The following LMTK3 variants were observed in gnomAD, a reference collection of about 807,000 sequenced individuals.
The protein encoded by LMTK3 is serine/threonine-protein kinase LMTK3.
Under a neutral mutation model 116.7 loss-of-function variants are expected in LMTK3, and 27 were observed. The ratio of observed to expected loss-of-function variants is 0.23; its 90% CI spans 0.17 to 0.32. The LOEUF is 0.32. Ranked by LOEUF, LMTK3 falls within the 10% of genes least tolerant of loss-of-function variation. LMTK3 has a pLI of 1.00. For synonymous variants in LMTK3, 965 were observed against 971.0 expected (o/e 0.99, Z 0.11); for missense variants, 1,764 against 2,068.5 (o/e 0.85, Z 2.86).
At chr19:48,513,104 GAC>G (rs757140507), upstream of LMTK3, 21 of 1,565,454 alleles carry the variant, frequency 1.3e-5, no homozygotes, top group Admixed American at 1.8e-5. This position sits in a 1 kb window ranked among gnomAD's most constrained non-coding sequence, Gnocchi z 5.6. Flanking sequence ...CACAGACACA[GAC>G]ACGCGCACAG....
intron 1 of LMTK3, 117 bp from the exon 2 acceptor site, chr19:48,510,709 G>T (rs1408689791): frequency 9.6e-6 from 12 of 1,243,802 alleles, no homozygotes; most frequent in Non-Finnish European, 1.2e-5. Context: ...TGCGACCAGG[G>T]TCCCTTGGCA....
At chr19:48,502,266 G>A (rs1972484336) in intron 7 of LMTK3, among the ~76,000 whole-genome samples, 167 bp downstream of exon 7, 1 of 139,934 alleles carries the variant, frequency 7.1e-6, no homozygotes, top group Non-Finnish European at 1.5e-5. Context: ...TTCCCCTCCT[G>A]GTCCCGCCTC....
Position 48,498,635 on chromosome 19 carries a change from C to G in LMTK3, c.2434G>C (p.Ala812Pro). ...SPEGAFPGGG[A>P]AEEEGVPRPR... ...CGAGGGACCCCTTCCTCCTCGGCCG[C>G]CCCCCCACCTGGGAAGGCTCCCTCT... The change falls in exon 11 of 15, where the codon GCG (alanine) becomes CCG (proline). Residue 812 changes from alanine to proline, a missense_variant. Ala to Pro is a conservative substitution (Grantham distance 27, BLOSUM62 -1). Transcript: ENST00000600059. 1 of 1,540,204 alleles carries G rather than the reference C, an allele frequency of 6.5e-7. No individual in the cohort carries two copies. Among genetic ancestry groups the G allele is most frequent in the Non-Finnish European group, 8.7e-7 (1 of 1,143,242 alleles).
At chr19:48,502,808 G>T in intron 6 of LMTK3, 101 bp downstream of exon 6, 1 of 876,604 alleles carries the variant, frequency 1.1e-6, no homozygotes, top group Non-Finnish European at 1.8e-6. Context: ...CATCATCTAC[G>T]ATGATGATGA....
chr19:48,499,089 G>C lies in LMTK3; in HGVS notation c.1980C>G (p.Gly660=). Residue 660 remains glycine, a synonymous_variant, in exon 11 of 15, where the codon GGC becomes GGG. Transcript: ENST00000600059. The part of the protein sequence containing the change: ...PGEDSSSLGG[G]PSRRGPLPCP... ...AGGGTAGGGGACCCCGGCGGCTTGG[G>C]CCACCTCCAAGGCTGCTGCTGTCTT... is the stretch of plus-strand genomic sequence containing the variant. 3 of 1,550,494 alleles carry C rather than the reference G, an allele frequency of 1.9e-6. No individual in the cohort carries two copies.
At chr19:48,506,147 A>G (rs1477360104) in intron 5 of LMTK3, among the ~76,000 whole-genome samples, 1 of 151,786 alleles carries the variant, frequency 6.6e-6, no homozygotes, top group Non-Finnish European at 1.5e-5. Context: ...TCTGAAAAAA[A>G]AAAAAAGATA....
chr19:48,503,025 G>C lies in LMTK3; in HGVS notation c.558-29C>G, dbSNP rs772251380. 5 of 1,426,588 alleles carry C rather than the reference G, an allele frequency of 3.5e-6. No homozygotes were observed. In the Admixed American group the frequency reaches 8.7e-5, roughly 25 times the overall value. The allele number at this position is 1,426,588 out of a possible 1,614,324, so 88.4% of individuals were successfully genotyped here. On this transcript the variant is annotated intron_variant, in intron 5 of 14. Transcript: ENST00000600059. ...TGGAGTGAGGAGGTGGCTGAGTTGGGAAGGCAGCCCCTTCCTCTTCATCCT... is the reference window on the plus strand; with the variant it reads ...TGGAGTGAGGAGGTGGCTGAGTTGGCAAGGCAGCCCCTTCCTCTTCATCCT...
At position 48,498,732 on chromosome 19, in the gene LMTK3, G is replaced by A. The variant is rs754222356; in HGVS notation, c.2337C>T (p.Pro779=). 6.5e-7 allele frequency: 1 copy of A among 1,531,152 alleles called. No individual in the cohort carries two copies. 94.8% of individuals were successfully genotyped at this position (1,531,152 alleles called of 1,614,324 possible). The change falls in exon 11 of 15, where the codon CCC becomes CCT. Residue 779 remains proline (P), a synonymous_variant. Transcript: ENST00000600059. ...GGCCCGGCGACGAGAGGCCTGAACC[G>A]GGACTGGCCACGGCCGAAGGGGGGT... ...SPDPPSAVAS[P]GSGLSSPGPK... is the part of the protein sequence containing the mutation.
In LMTK3 at chr19:48,499,560, G is replaced by A. The variant is rs755428467; in HGVS notation, c.1509C>T (p.Pro503=). The A allele has an allele frequency of 7.2e-6, 11 of 1,519,370 alleles. No individual in the cohort carries two copies. Among genetic ancestry groups the A allele is most frequent in the Middle Eastern group, 2.0e-4 (1 of 5,082 alleles). The allele number at this position is 1,519,370 out of a possible 1,614,324, so 94.1% of individuals were successfully genotyped here. A position where few individuals can be genotyped will look rare whatever the true frequency, so the allele number is the denominator to read the frequency against. Residue 503 remains proline (P), a synonymous_variant, in exon 11 of 15, where the codon CCC becomes CCT. Coordinates refer to ENST00000600059, the MANE Select transcript of LMTK3 (RefSeq NM_001388485.1). Reference sequence around the variant, plus strand: ...TGGAGGGGTTGGCGTGGGGGGCCGGGGGGGCCGACGCCGGCTGCCAGGCAG... The same window carrying A: ...TGGAGGGGTTGGCGTGGGGGGCCGGAGGGGCCGACGCCGGCTGCCAGGCAG... The part of the protein sequence containing the change: ...GAPAWQPASA[P]PAPHANPSNP...
chr19:48,498,999 T>G lies in LMTK3; in HGVS notation c.2070A>C (p.Ala690=), dbSNP rs1477544813. 9.9e-6 allele frequency: 14 copies of G among 1,407,868 alleles called. No homozygotes were observed. Among genetic ancestry groups the G allele is most frequent in the Non-Finnish European group, 1.3e-5 (14 of 1,079,148 alleles). 87.2% of individuals were successfully genotyped at this position (1,407,868 alleles called of 1,614,324 possible). ...CLPLERGDAV[A]GWGGHPALGC... The stretch of plus-strand genomic sequence containing the variant: ...CAAGAGCAGGGTGGCCTCCCCAGCC[T>G]GCTACGGCGTCCCCCCGCTCCAGTG... The change falls in exon 11 of 15, where the codon GCA becomes GCC. Residue 690 remains alanine, a synonymous_variant. Coordinates refer to ENST00000600059, the MANE Select transcript of LMTK3 (RefSeq NM_001388485.1).
rs1016855650 is a variant in LMTK3, at chr19:48,494,222, A to T, written c.3677-113T>A. On this transcript the variant is annotated intron_variant, in intron 11 of 14. Transcript: ENST00000600059. This position sits in a 1 kb window ranked among gnomAD's most constrained non-coding sequence, Gnocchi z 4.0. Reference sequence around the variant, plus strand: ...CCGCACAATCTGGGCCTCAGCACCCACTTTGTGAACGGAAGGGCTGCACCA... The same window carrying T: ...CCGCACAATCTGGGCCTCAGCACCCTCTTTGTGAACGGAAGGGCTGCACCA... 1.7e-5 allele frequency: 9 copies of T among 544,880 alleles called. No individual in the cohort carries two copies. The highest frequency in any genetic ancestry group is 2.2e-5 in the Non-Finnish European group (9 of 406,672). The allele number at this position is 544,880 out of a possible 1,614,324, so 33.8% of individuals were successfully genotyped here. A position where few individuals can be genotyped will look rare whatever the true frequency, so the allele number is the denominator to read the frequency against.
Position 48,510,906 on chromosome 19 carries a change from A to G in LMTK3, c.77-314T>C, listed in dbSNP as rs542544600. Among the ~76,000 whole-genome samples, 4 of 152,318 alleles carry G rather than the reference A, an allele frequency of 2.6e-5. No individual in the cohort carries two copies. The South Asian group carries it at 6.2e-4, about 24-fold the overall frequency. On this transcript the variant is annotated intron_variant, in intron 1 of 14. Coordinates refer to ENST00000600059, the MANE Select transcript of LMTK3 (RefSeq NM_001388485.1). Reference sequence around the variant, plus strand: ...TTGAAGGAAAGAGGAGTGATAGTGAAGTCTGGAGCTTGCAGAATTTAAAAT... The same window carrying G: ...TTGAAGGAAAGAGGAGTGATAGTGAGGTCTGGAGCTTGCAGAATTTAAAAT...
At position 48,499,541 on chromosome 19, in the gene LMTK3, G is replaced by A; in HGVS notation, c.1528C>T (p.Pro510Ser). The A allele has an allele frequency of 6.6e-7, 1 of 1,508,348 alleles. No individual in the cohort carries two copies. The highest frequency in any genetic ancestry group is 8.8e-7 in the Non-Finnish European group (1 of 1,130,910). 93.4% of individuals were successfully genotyped at this position (1,508,348 alleles called of 1,614,324 possible). The part of the protein sequence containing the change: ...ASAPPAPHAN[P>S]SNPFYEALST... ...AGCGCCTCGTAGAAAGGGTTGGAGG[G>A]GTTGGCGTGGGGGGCCGGGGGGGCC... Residue 510 changes from proline (P) to serine (S), a missense_variant, in exon 11 of 15, where the codon CCC becomes TCC. Pro to Ser is a moderately conservative substitution (Grantham distance 74, BLOSUM62 -1). Around this residue, in one of 7 missense-constraint regions of LMTK3, gnomAD observed 1,028 missense variants for 1,050.6 expected, o/e 0.98. Coordinates refer to ENST00000600059, the MANE Select transcript of LMTK3 (RefSeq NM_001388485.1).
In LMTK3 at chr19:48,491,558, G is replaced by T; in HGVS notation, c.4093-19C>A. ...GCGTCTCCTGTGAAGGCAGATTAGG[G>T]GGAAGCCAGAGGGGACAAACCTTCA... On this transcript the variant is annotated intron_variant, in intron 12 of 14. Transcript: ENST00000600059. The surrounding 1 kb of genome is among the most constrained non-coding windows in gnomAD (Gnocchi z 5.1). 1.2e-5 allele frequency: 16 copies of T among 1,355,322 alleles called. No individual in the cohort carries two copies. Among genetic ancestry groups the T allele is most frequent in the Non-Finnish European group, 1.5e-5 (16 of 1,045,966 alleles). 84.0% of individuals were successfully genotyped at this position (1,355,322 alleles called of 1,614,324 possible).
At chr19:48,486,403 T>A (rs1972126378) in intron 14 of LMTK3, among the ~76,000 whole-genome samples, 2 of 151,864 alleles carry the variant, frequency 1.3e-5, no homozygotes, top group African/African-American at 4.8e-5. Flanking sequence ...ACCTGCAACG[T>A]CCCCTCCACA....
In LMTK3 at chr19:48,485,508, GCT is replaced by G; in HGVS notation, c.*263_*264del. The stretch of plus-strand genomic sequence containing the variant: ...GTTCAGTTCAGTTCCGAGAAAGGCG[GCT>G]CTCTATGGAGGGGCGGGGGGATTCC... On this transcript the variant is annotated 3_prime_UTR_variant, in exon 15 of 15. Transcript: ENST00000600059. 2 of 508,766 alleles carry G rather than the reference GCT, an allele frequency of 3.9e-6. No homozygotes were observed. Among genetic ancestry groups the G allele is most frequent in the Non-Finnish European group, 7.1e-6 (2 of 282,904 alleles). The allele number at this position is 508,766 out of a possible 1,614,324, so 31.5% of individuals were successfully genotyped here. A position where few individuals can be genotyped will look rare whatever the true frequency, so the allele number is the denominator to read the frequency against.
chr19:48,509,280 G>C (rs1206408222), intron 4 of LMTK3, among the ~76,000 whole-genome samples, 157 bp downstream of exon 4: 1 of 151,948 alleles, frequency 6.6e-6, no homozygotes, highest in African/African-American at 2.4e-5. Flanking sequence ...GCGGGTGGGA[G>C]CCGGTGAGAG....
At position 48,491,212 on chromosome 19, in the gene LMTK3, AG is replaced by A; in HGVS notation, c.4261del (p.Leu1421SerfsTer63). The A allele has an allele frequency of 7.4e-7, 1 of 1,352,218 alleles. No individual in the cohort carries two copies. The highest frequency in any genetic ancestry group is 1.8e-5 in the South Asian group (1 of 54,566). 83.8% of individuals were successfully genotyped at this position (1,352,218 alleles called of 1,614,324 possible). A position where few individuals can be genotyped will look rare whatever the true frequency, so the allele number is the denominator to read the frequency against. On this transcript the variant is annotated frameshift_variant, in exon 14 of 15. Transcript: ENST00000600059. LOFTEE classifies it high-confidence loss of function. The surrounding 1 kb of genome is among the most constrained non-coding windows in gnomAD (Gnocchi z 5.1). ...GSFEWAEDFP[L>X]LPPPGPPLCF... ...CAGCGGGGGGCCTGGAGGGGGGAGG[AG>A]GGGGAAATCCTCCGCCCACTCGAAA...
chr19:48,498,762 G>C lies in LMTK3; in HGVS notation c.2307C>G (p.Ser769=). Residue 769 remains serine (S), a synonymous_variant, in exon 11 of 15, where the codon TCC becomes TCG. Transcript: ENST00000600059. ...TGGCCACGGCCGAAGGGGGGTCGGG[G>C]GACGCGGCCGGGTCCGCGGGGGCCC... is the stretch of plus-strand genomic sequence containing the variant. ...PPRAPADPAA[S]PDPPSAVASP... The C allele has an allele frequency of 6.7e-7, 1 of 1,486,906 alleles. No individual in the cohort carries two copies. The highest frequency in any genetic ancestry group is 8.9e-7 in the Non-Finnish European group (1 of 1,123,624). The allele number at this position is 1,486,906 out of a possible 1,614,324, so 92.1% of individuals were successfully genotyped here.
Sources: allele counts gnomAD v4.1 joint callset (sites outside exome capture counted in the v4.1 genomes callset), GRCh38; gene constraint gnomAD v4.1.1; regional missense constraint gnomAD v4.1.1; non-coding constraint Gnocchi (gnomAD v3.1); transcripts MANE v1.5; gene names NCBI Gene and HGNC (gene_info 2026-07-23, HGNC 2026-07-21).